MAML2: variants seen among roughly 807,000 people sequenced by gnomAD.
MAML2 encodes mastermind like transcriptional coactivator 2.
A neutral mutation model predicts 96.1 loss-of-function variants in MAML2; 22 were observed. The ratio of observed to expected loss-of-function variants is 0.23; its 90% CI spans 0.16 to 0.33. The LOEUF (loss-of-function observed/expected upper bound fraction) is 0.33. Ranked by LOEUF, MAML2 falls within the 10% of genes least tolerant of loss-of-function variation. The pLI is 1.00. For missense variants in MAML2, 1,367 were observed against 1,392.4 expected (o/e 0.98, Z 0.29); for synonymous variants, 561 against 521.3 (o/e 1.08, Z -1.04).
chr11:96,227,840 G>GC (rs1163570123), intron 1 of MAML2, among the ~76,000 whole-genome samples: 2 of 152,200 alleles, frequency 1.3e-5, no homozygotes, highest in African/African-American at 2.4e-5. Context: ...AGTGGCTCAT[G>GC]CCCGTAATCC....
chr11:96,036,960 G>C (rs1404083632), intron 2 of MAML2, among the ~76,000 whole-genome samples: 2 of 152,184 alleles, frequency 1.3e-5, no homozygotes, highest in East Asian at 3.9e-4. Flanking sequence ...TTAGATAAGT[G>C]AAAGCGGAGT....
At chr11:96,059,336 A>G (rs1051938086) in intron 2 of MAML2, among the ~76,000 whole-genome samples, 1 of 152,196 alleles carries the variant, frequency 6.6e-6, no homozygotes, top group African/African-American at 2.4e-5. Flanking sequence ...GCCATAGGTG[A>G]GTAGATAAAA....
At chr11:96,267,430 A>G (rs2135977473) in intron 1 of MAML2, among the ~76,000 whole-genome samples, 1 of 152,378 alleles carries the variant, frequency 6.6e-6, no homozygotes, top group African/African-American at 2.4e-5. Flanking sequence ...AGGGGAAAAA[A>G]GAAAAAAAGC....
chr11:96,277,570 G>A (rs1863007142), intron 1 of MAML2, among the ~76,000 whole-genome samples: 1 of 151,878 alleles, frequency 6.6e-6, no homozygotes, highest in South Asian at 2.1e-4. Flanking sequence ...TGGCCAACAT[G>A]GTGAAACACC....
In MAML2 at chr11:96,110,728, T is replaced by A. The variant is rs1860105114; in HGVS notation, c.514-17211A>T. Among the ~76,000 whole-genome samples the A allele has an allele frequency of 2.0e-5, 3 of 152,190 alleles. No homozygotes were observed. In the South Asian group the frequency reaches 6.2e-4, roughly 31 times the overall value. ...TTTAAGGAACAACAAAAAAAAATAC[T>A]CCATGGGAGACTTACAAAAGAGATG... On this transcript the variant is annotated intron_variant, in intron 1 of 4. Transcript: ENST00000524717.
At position 96,342,009 on chromosome 11, in the gene MAML2, T is replaced by C; in HGVS notation, c.-114A>G. The C allele has an allele frequency of 9.7e-7, 1 of 1,033,658 alleles. No individual in the cohort carries two copies. The highest frequency in any genetic ancestry group is 1.4e-6 in the Non-Finnish European group (1 of 734,058). The allele number at this position is 1,033,658 out of a possible 1,614,324, so 64.0% of individuals were successfully genotyped here. A position where few individuals can be genotyped will look rare whatever the true frequency, so the allele number is the denominator to read the frequency against. On this transcript the variant is annotated 5_prime_UTR_variant, in exon 1 of 5. An upstream start codon of the reference 5' UTR is lost. Coordinates refer to ENST00000524717, the MANE Select transcript of MAML2 (RefSeq NM_032427.4). ...TGTGAGCTCAGTGTTCAGGGCCACA[T>C]GAATAGAGGTCTTCAGAGGTTGTGG...
At chr11:95,983,551 G>A (rs937986366) in intron 4 of MAML2, among the ~76,000 whole-genome samples, 3 of 152,124 alleles carry the variant, frequency 2.0e-5, no homozygotes, top group African/African-American at 7.2e-5. Flanking sequence ...CCAAGAAGAG[G>A]ATTTTGAACG....
chr11:96,177,916 TTGTGTGTGTG>T lies in MAML2; in HGVS notation c.514-84409_514-84400del, dbSNP rs58447778. 8.4e-3 allele frequency among the ~76,000 whole-genome samples: 1,182 copies of T among 139,938 alleles called. 17 individuals are homozygous for T. Among genetic ancestry groups the T allele is most frequent in the African/African-American group, 0.023 (872 of 37,698 alleles). 91.8% of individuals were successfully genotyped at this position (139,938 alleles called of 152,430 possible). ...AAAATTGAATATCTGGAGACCTTAG[TTGTGTGTGTG>T]TGTGTGTGTGTGTGTGTGTGTGTGT... On this transcript the variant is annotated intron_variant, in intron 1 of 4. Transcript: ENST00000524717.
intron 1 of MAML2, among the ~76,000 whole-genome samples, chr11:96,138,763 T>C (rs1860681174): frequency 6.6e-6 from 1 of 151,468 alleles, no homozygotes; most frequent in Non-Finnish European, 1.5e-5. Context: ...CAGGTAGAGA[T>C]CGGTGAGTTT....
rs1031780787 is a variant in MAML2, at chr11:95,998,957, TAGG to T, written c.2140-7237_2140-7235del. On this transcript the variant is annotated intron_variant, in intron 2 of 4. Transcript: ENST00000524717. ...TATGTCTACAAACCTGGGAGACAAT[TAGG>T]AGAACACATGAACTCTTTTAAATGG... Among the ~76,000 whole-genome samples, 38 of 152,194 alleles carry T rather than the reference TAGG, an allele frequency of 2.5e-4. 1 individual carries two copies. Among genetic ancestry groups the T allele is most frequent in the African/African-American group, 9.2e-4 (38 of 41,462 alleles).
chr11:96,200,242 A>C (rs1254671584), intron 1 of MAML2, among the ~76,000 whole-genome samples: 2 of 152,190 alleles, frequency 1.3e-5, no homozygotes, highest in African/African-American at 4.8e-5. Context: ...ATACTCATTA[A>C]CACTCTTAAT....
intron 2 of MAML2, among the ~76,000 whole-genome samples, chr11:96,041,912 G>A (rs1264660245): frequency 2.0e-5 from 3 of 150,938 alleles, no homozygotes; most frequent in South Asian, 4.2e-4. Context: ...AGGTTCAAGC[G>A]ATTCTCCTGC....
chr11:96,322,448 C>T (rs1863716711), intron 1 of MAML2, among the ~76,000 whole-genome samples: 1 of 152,172 alleles, frequency 6.6e-6, no homozygotes, highest in Non-Finnish European at 1.5e-5. Flanking sequence ...CCTATAATCC[C>T]AGCACTTTGG....
intron 1 of MAML2, among the ~76,000 whole-genome samples, chr11:96,148,113 C>T (rs183006071): frequency 2.0e-5 from 3 of 152,238 alleles, no homozygotes; most frequent in South Asian, 2.1e-4. Flanking sequence ...TCATCTGTCA[C>T]GTCGGGACAT....
chr11:96,159,568 G>A (rs1223007303), intron 1 of MAML2, among the ~76,000 whole-genome samples: 1 of 151,960 alleles, frequency 6.6e-6, no homozygotes, highest in Admixed American at 6.6e-5. Context: ...TGGGACTACA[G>A]GCGCCCGCCA....
At chr11:96,305,331 C>A (rs1466823519) in intron 1 of MAML2, among the ~76,000 whole-genome samples, 1 of 152,030 alleles carries the variant, frequency 6.6e-6, no homozygotes, top group Non-Finnish European at 1.5e-5. Context: ...AAGAGTGAAT[C>A]CTAATGTCAA....
chr11:96,154,661 G>T (rs1459869118), intron 1 of MAML2, among the ~76,000 whole-genome samples: 1 of 152,166 alleles, frequency 6.6e-6, no homozygotes, highest in Non-Finnish European at 1.5e-5. Context: ...ACTCTCAGAG[G>T]TAGCAGGCAC....
chr11:96,116,902 AAGCTAAGT>A (rs1308833599), intron 1 of MAML2, among the ~76,000 whole-genome samples: 1 of 152,240 alleles, frequency 6.6e-6, no homozygotes, highest in East Asian at 1.9e-4. Context: ...AGGACAACAA[AAGCTAAGT>A]AGCGTTTTAT....
intron 1 of MAML2, among the ~76,000 whole-genome samples, chr11:96,243,732 C>G (rs1478586914): frequency 6.7e-6 from 1 of 149,934 alleles, no homozygotes; most frequent in Admixed American, 6.7e-5. Flanking sequence ...TGTCTCACTG[C>G]AAGCTCCGCC....
Sources: gnomAD v4.1 joint callset for allele counts (sites outside exome capture counted in the v4.1 genomes callset) on GRCh38, gnomAD v4.1.1 for gene constraint, MANE v1.5 for transcripts, NCBI Gene and HGNC (gene_info 2026-07-23, HGNC 2026-07-21) for gene names.